The following SYT14 variants were observed in gnomAD, a reference collection of about 807,000 sequenced individuals.
SYT14 encodes synaptotagmin 14, also known as synaptotagmin-14.
In SYT14, 32 loss-of-function variants were observed where a neutral mutation model predicts 74.2. The ratio of observed to expected loss-of-function variants is 0.43; its 90% CI spans 0.33 to 0.58. The LOEUF (loss-of-function observed/expected upper bound fraction) is 0.58. Ranked by LOEUF, SYT14 falls within the 20% of genes least tolerant of loss-of-function variation. The pLI, the probability that SYT14 is intolerant of heterozygous loss-of-function variation, is 0.05. For missense variants in SYT14, 791 were observed against 981.8 expected (o/e 0.81, Z 2.60); for synonymous variants, 298 against 337.7 (o/e 0.88, Z 1.29).
intron 7 of SYT14, among the ~76,000 whole-genome samples, chr1:210,139,113 G>A (rs935188925): frequency 3.8e-4 from 56 of 146,790 alleles, no homozygotes; most frequent in African/African-American, 1.3e-3. Flanking sequence ...TTGAGACAGA[G>A]TCTTGCTCTG....
chr1:210,091,429 C>T (rs949432064), intron 5 of SYT14, among the ~76,000 whole-genome samples: 4 of 152,208 alleles, frequency 2.6e-5, no homozygotes, highest in African/African-American at 7.2e-5. Flanking sequence ...TGCCTTATGC[C>T]TGTAATCCCA....
At chr1:210,103,317 G>A (rs1043288284) in intron 7 of SYT14, among the ~76,000 whole-genome samples, 32 of 151,932 alleles carry the variant, frequency 2.1e-4, no homozygotes, top group African/African-American at 5.6e-4. Flanking sequence ...TTGGGAGGCC[G>A]AGGTGGGCAG....
At chr1:209,940,925 T>C (rs2078720075) in intron 1 of SYT14, among the ~76,000 whole-genome samples, 1 of 152,212 alleles carries the variant, frequency 6.6e-6, no homozygotes, top group Non-Finnish European at 1.5e-5. Flanking sequence ...TAATATAGCT[T>C]AACATTAGAA....
intron 5 of SYT14, among the ~76,000 whole-genome samples, chr1:210,060,654 A>C (rs1025816694): frequency 7.2e-5 from 11 of 152,054 alleles, no homozygotes; most frequent in Non-Finnish European, 1.6e-4. Context: ...TTAAAGGGAA[A>C]CAGCCCTCTA....
chr1:209,959,331 A>G (rs756856027), intron 2 of SYT14, among the ~76,000 whole-genome samples: 35 of 151,968 alleles, frequency 2.3e-4, no homozygotes, highest in Non-Finnish European at 4.9e-4. Context: ...TTTAGTAGAG[A>G]TGGGGTTTCA....
chr1:210,026,100 T>G (rs1212458536), intron 5 of SYT14, among the ~76,000 whole-genome samples: 2 of 152,162 alleles, frequency 1.3e-5, no homozygotes, highest in Non-Finnish European at 2.9e-5. Context: ...TCTGGGTTTT[T>G]TTTTGGAACT....
chr1:209,978,067 A>G (rs1161849520), intron 2 of SYT14, among the ~76,000 whole-genome samples: 8 of 152,124 alleles, frequency 5.3e-5, no homozygotes, highest in African/African-American at 1.7e-4. Context: ...CAGGTCCTTT[A>G]AGGACTCTTT....
At chr1:210,130,450 A>G (rs1428663186) in intron 7 of SYT14, among the ~76,000 whole-genome samples, 4 of 152,220 alleles carry the variant, frequency 2.6e-5, no homozygotes, top group African/African-American at 9.7e-5. Flanking sequence ...TATTTAAACA[A>G]AGTTTATTGT....
intron 7 of SYT14, among the ~76,000 whole-genome samples, chr1:210,148,896 A>G (rs1217573266): frequency 6.6e-6 from 1 of 152,208 alleles, no homozygotes; most frequent in Non-Finnish European, 1.5e-5. Context: ...TGAGAAAATT[A>G]TAAACCAATC....
intron 5 of SYT14, among the ~76,000 whole-genome samples, chr1:210,024,160 A>G (rs1160070071): frequency 6.6e-6 from 1 of 152,210 alleles, no homozygotes; most frequent in Non-Finnish European, 1.5e-5. Flanking sequence ...CCTGACTAGG[A>G]AGATAGGGTT....
chr1:210,037,659 T>C (rs2080696789), intron 5 of SYT14, among the ~76,000 whole-genome samples: 1 of 151,910 alleles, frequency 6.6e-6, no homozygotes, highest in South Asian at 2.1e-4. Flanking sequence ...ATTTCAGAAA[T>C]ATTTTAAATT....
At chr1:210,032,718 T>C (rs2080568459) in intron 5 of SYT14, among the ~76,000 whole-genome samples, 1 of 136,014 alleles carries the variant, frequency 7.4e-6, no homozygotes, top group South Asian at 2.3e-4. Context: ...ATAAATACTG[T>C]AGCAGAAGAA....
intron 7 of SYT14, among the ~76,000 whole-genome samples, chr1:210,150,166 A>C (rs888006020): frequency 4.6e-5 from 7 of 152,170 alleles, no homozygotes; most frequent in African/African-American, 1.7e-4. Flanking sequence ...GCCGGCAACT[A>C]GGAGGGAAAA....
intron 2 of SYT14, among the ~76,000 whole-genome samples, chr1:209,991,808 C>T (rs1431953200): frequency 4.1e-5 from 6 of 147,508 alleles, no homozygotes; most frequent in Non-Finnish European, 7.4e-5. Context: ...CCAGCCTGGG[C>T]GATAAAGCGA....
chr1:210,065,780 G>A (rs774933845), intron 5 of SYT14, among the ~76,000 whole-genome samples: 1 of 151,678 alleles, frequency 6.6e-6, no homozygotes, highest in African/African-American at 2.4e-5. Context: ...CAACGTGCAG[G>A]TTTGTTACAT....
At chr1:210,017,901 G>A (rs1490904448) in intron 4 of SYT14, among the ~76,000 whole-genome samples, 1 of 152,084 alleles carries the variant, frequency 6.6e-6, no homozygotes, top group African/African-American at 2.4e-5. Context: ...ATACACATCT[G>A]GAATTTTTCT....
intron 5 of SYT14, among the ~76,000 whole-genome samples, chr1:210,079,813 A>C (rs988842765): frequency 6.6e-6 from 1 of 152,214 alleles, no homozygotes; most frequent in African/African-American, 2.4e-5. Context: ...TTGAGGCTGC[A>C]ATGCAAGGAG....
chr1:210,033,773 T>C (rs1378177693), intron 5 of SYT14, among the ~76,000 whole-genome samples: 1 of 151,790 alleles, frequency 6.6e-6, no homozygotes, highest in Non-Finnish European at 1.5e-5. Flanking sequence ...TTTTAGTAGG[T>C]AAGTGAAAAA....
intron 7 of SYT14, among the ~76,000 whole-genome samples, chr1:210,148,244 C>T (rs1337619429): frequency 1.3e-5 from 2 of 152,178 alleles, no homozygotes; most frequent in African/African-American, 4.8e-5. Context: ...CGCGGTGGCT[C>T]ATGCCTGTAA....
Sources: gnomAD v4.1 joint callset for allele counts (sites outside exome capture counted in the v4.1 genomes callset) on GRCh38, gnomAD v4.1.1 for gene constraint, MANE v1.5 for transcripts, NCBI Gene and HGNC (gene_info 2026-07-23, HGNC 2026-07-21) for gene names.